The following GNG4 variants were observed in gnomAD, a reference collection of about 807,000 sequenced individuals.
The protein encoded by GNG4 is G protein subunit gamma 4.
Under a neutral mutation model 5.8 loss-of-function variants are expected in GNG4, and 4 were observed. The ratio of observed to expected loss-of-function variants is 0.69; its 90% CI spans 0.34 to 1.57. The LOEUF (loss-of-function observed/expected upper bound fraction) is 1.57, where lower values mean the gene tolerates loss of function less well. Ranked by LOEUF, GNG4 falls within the 40% of genes most tolerant of loss-of-function variation. The pLI is 0.06. For synonymous variants in GNG4, 29 were observed against 32.9 expected, an observed-to-expected ratio of 0.88 and a Z score of 0.41; for missense variants, 96 against 95.1, an observed-to-expected ratio of 1.01 and a Z score of -0.04.
intron 1 of GNG4, among the ~76,000 whole-genome samples, chr1:235,643,335 C>T (rs923159058): frequency 1.3e-5 from 2 of 152,206 alleles, no homozygotes; most frequent in Admixed American, 6.5e-5. Flanking sequence ...TGCCTCAGCT[C>T]ACCAGGGCCA....
chr1:235,554,978 C>T (rs1178682177), intron 3 of GNG4, among the ~76,000 whole-genome samples: 1 of 151,972 alleles, frequency 6.6e-6, no homozygotes, highest in Admixed American at 6.6e-5. Context: ...CTATAATCCT[C>T]GTTATGTCAT....
intron 3 of GNG4, among the ~76,000 whole-genome samples, chr1:235,582,777 C>T (rs1256361924): frequency 6.6e-6 from 1 of 152,178 alleles, no homozygotes; most frequent in Non-Finnish European, 1.5e-5. Context: ...TTACATCACG[C>T]TGGATTCCTT....
At chr1:235,639,762 C>G (rs1474770319) in intron 1 of GNG4, among the ~76,000 whole-genome samples, 3 of 152,230 alleles carry the variant, frequency 2.0e-5, no homozygotes, top group Admixed American at 6.5e-5. Context: ...CCGCCTTGGT[C>G]TCCCAAAGTG....
chr1:235,564,827 A>AG (rs1687153759), intron 3 of GNG4, among the ~76,000 whole-genome samples: 2 of 152,164 alleles, frequency 1.3e-5, no homozygotes, highest in South Asian at 4.1e-4. Flanking sequence ...CTGGGACCAC[A>AG]GGCGTGTGCC....
At chr1:235,601,356 G>A (rs1432771069) in intron 1 of GNG4, among the ~76,000 whole-genome samples, 1 of 152,166 alleles carries the variant, frequency 6.6e-6, no homozygotes, top group Non-Finnish European at 1.5e-5. Context: ...GCCTGGTGAG[G>A]GGCGCCATGG....
At chr1:235,615,730 C>A in intron 1 of GNG4, 1 of 246,592 alleles carries the variant, frequency 4.1e-6, no homozygotes, top group East Asian at 1.2e-4. Context: ...GAGAGGCTTC[C>A]TTCCAAGAAG....
intron 3 of GNG4, among the ~76,000 whole-genome samples, chr1:235,579,010 T>C (rs1391831048): frequency 6.6e-6 from 1 of 151,642 alleles, no homozygotes; most frequent in Non-Finnish European, 1.5e-5. Context: ...GGCAGAAGAA[T>C]TGCTTGAACC....
chr1:235,638,621 C>A (rs1657206665), intron 1 of GNG4, among the ~76,000 whole-genome samples: 1 of 152,148 alleles, frequency 6.6e-6, no homozygotes, highest in African/African-American at 2.4e-5. Context: ...GCCTTGCCTG[C>A]ATTAGGTATT....
At chr1:235,613,736 A>C (rs540663412) in intron 1 of GNG4, among the ~76,000 whole-genome samples, 6 of 152,322 alleles carry the variant, frequency 3.9e-5, no homozygotes, top group African/African-American at 1.4e-4. Context: ...CTAGAACTGT[A>C]ATATAATAAA....
chr1:235,591,084 G>T (rs1344605015), intron 2 of GNG4, among the ~76,000 whole-genome samples: 1 of 152,188 alleles, frequency 6.6e-6, no homozygotes, highest in Admixed American at 6.5e-5. Context: ...TGTTGGTATT[G>T]CAGGGGAACA....
chr1:235,554,023 T>C (rs908583749), intron 3 of GNG4, among the ~76,000 whole-genome samples: 1 of 152,166 alleles, frequency 6.6e-6, no homozygotes, highest in African/African-American at 2.4e-5. Context: ...CATATAGGAA[T>C]TTCCCAGATG....
intron 1 of GNG4, among the ~76,000 whole-genome samples, chr1:235,599,292 T>TTG (rs1558492178): frequency 2.7e-5 from 4 of 150,192 alleles, no homozygotes; most frequent in African/African-American, 9.9e-5. Flanking sequence ...TGCGGGTTTT[T>TTG]TTGTTGTCGT....
upstream of GNG4, among the ~76,000 whole-genome samples, chr1:235,650,245 C>CG (rs1247746269): frequency 1.4e-3 from 29 of 20,918 alleles, no homozygotes; most frequent in Non-Finnish European, 3.1e-3. Flanking sequence ...GGGGCGGGGC[C>CG]GGGGGGTAAA....
chr1:235,582,363 G>A (rs767353661), intron 3 of GNG4, among the ~76,000 whole-genome samples: 3 of 152,106 alleles, frequency 2.0e-5, no homozygotes, highest in Non-Finnish European at 4.4e-5. Flanking sequence ...TGCTCCACAC[G>A]AGCCGTGATT....
At chr1:235,614,095 G>A (rs1273045934) in intron 1 of GNG4, among the ~76,000 whole-genome samples, 1 of 152,240 alleles carries the variant, frequency 6.6e-6, no homozygotes, top group African/African-American at 2.4e-5. Flanking sequence ...TTACAGGCGT[G>A]AGCCGCTGCG....
At chr1:235,566,131 T>C (rs1687187741) in intron 3 of GNG4, 1 of 152,214 alleles carries the variant, frequency 6.6e-6, no homozygotes, top group Admixed American at 6.5e-5. Flanking sequence ...CAGATCACCT[T>C]TGGAGAGTGG....
rs187273163 is a variant in GNG4, at chr1:235,631,141, C to T, written c.-123+18521G>A. Among the ~76,000 whole-genome samples the T allele has an allele frequency of 2.9e-4, 44 of 152,250 alleles. No individual in the cohort carries two copies. In the South Asian group the frequency reaches 4.2e-3, roughly 14 times the overall value. Reference sequence around the variant, plus strand: ...CTCCAGCTCCTGACCTCAGGTGATCCGCCCTCCTCGGCCTCCCAAAGTGCT... The same window carrying T: ...CTCCAGCTCCTGACCTCAGGTGATCTGCCCTCCTCGGCCTCCCAAAGTGCT... On this transcript the variant is annotated intron_variant, in intron 1 of 3. Coordinates refer to ENST00000391854, the MANE Select transcript of GNG4 (RefSeq NM_001098722.2).
chr1:235,597,612 G>C (rs1211239500), intron 1 of GNG4, among the ~76,000 whole-genome samples: 1 of 108,802 alleles, frequency 9.2e-6, no homozygotes, highest in Non-Finnish European at 2.1e-5. Context: ...GTGTGTGTGT[G>C]TGTGTGTGTG....
chr1:235,584,546 CTCTT>C (rs1284739209), intron 2 of GNG4, among the ~76,000 whole-genome samples: 1 of 152,206 alleles, frequency 6.6e-6, no homozygotes, highest in Non-Finnish European at 1.5e-5. Flanking sequence ...CACTCTCTCT[CTCTT>C]TCTTCCCTAT....
Sources: gnomAD v4.1 joint callset for allele counts (sites outside exome capture counted in the v4.1 genomes callset) on GRCh38, gnomAD v4.1.1 for gene constraint, MANE v1.5 for transcripts, NCBI Gene and HGNC (gene_info 2026-07-23, HGNC 2026-07-21) for gene names.